The following MCTP2 variants were observed in gnomAD, a reference collection of about 807,000 sequenced individuals.
MCTP2 encodes multiple C2 and transmembrane domain-containing protein 2.
A neutral mutation model predicts 111.6 loss-of-function variants in MCTP2; 132 were observed. The ratio of observed to expected loss-of-function variants is 1.18; its 90% CI spans 1.03 to 1.37. MCTP2 has a LOEUF of 1.37. Among genes scored for constraint, MCTP2 ranks in the 40% most tolerant of loss-of-function variants. The probability of loss-of-function intolerance (pLI) is 0.00; values close to 1 mark genes in which losing one functional copy is unlikely to be tolerated. For synonymous variants in MCTP2, 395 were observed against 387.7 expected, an observed-to-expected ratio of 1.02 and a Z score of -0.22; for missense variants, 1,183 against 1,067.9, an observed-to-expected ratio of 1.11 and a Z score of -1.50.
chr15:94,390,725 C>CTTTTTTTTTTTTTTT lies in MCTP2; in HGVS notation c.1788+5208_1788+5222dup, dbSNP rs777312969. Among the ~76,000 whole-genome samples, 28 of 112,986 alleles carry CTTTTTTTTTTTTTTT rather than the reference C, an allele frequency of 2.5e-4. 1 individual carries two copies. Among genetic ancestry groups the CTTTTTTTTTTTTTTT allele is most frequent in the Non-Finnish European group, 3.2e-4 (17 of 53,532 alleles). The allele number at this position is 112,986 out of a possible 152,430, so 74.1% of individuals were successfully genotyped here. A position where few individuals can be genotyped will look rare whatever the true frequency, so the allele number is the denominator to read the frequency against. On this transcript the variant is annotated intron_variant, in intron 14 of 22. Transcript: ENST00000357742. The stretch of plus-strand genomic sequence containing the variant: ...GAAGACCTGCAATTTCTTTTCTTTT[C>CTTTTTTTTTTTTTTT]TTTTTTTTTTTTTTTTTTTTTTGGG...
chr15:94,330,855 C>A (rs376933143), intron 4 of MCTP2, among the ~76,000 whole-genome samples: 2 of 152,092 alleles, frequency 1.3e-5, no homozygotes, highest in African/African-American at 4.8e-5. Context: ...CGACTTTAGC[C>A]CCCCAAGTAG....
Position 94,358,526 on chromosome 15 carries a change from C to G in MCTP2, c.1215C>G (p.Asp405Glu). The G allele has an allele frequency of 6.2e-7, 1 of 1,613,730 alleles. No individual in the cohort carries two copies. Among genetic ancestry groups the G allele is most frequent in the Non-Finnish European group, 8.5e-7 (1 of 1,179,732 alleles). Residue 405 changes from aspartate to glutamate, a missense_variant, in exon 10 of 23, where the codon GAC (aspartate) becomes GAG (glutamate). By Grantham distance (45) the Asp-to-Glu change is conservative. Coordinates refer to ENST00000357742, the MANE Select transcript of MCTP2 (RefSeq NM_001385001.1). ...SANPQWQEQF[D>E]FHYFSDRMGI... is the part of the protein sequence containing the mutation. ...ATCCGCAGTGGCAGGAACAGTTTGA[C>G]TTTCACTACTTCTCTGACAGGATGG... is the stretch of plus-strand genomic sequence containing the variant.
intron 20 of MCTP2, among the ~76,000 whole-genome samples, chr15:94,465,696 A>G (rs1185772776): frequency 6.6e-6 from 1 of 152,134 alleles, no homozygotes; most frequent in Non-Finnish European, 1.5e-5. Flanking sequence ...TGCAGAATTA[A>G]TGATGCTTAC....
At chr15:94,357,313 T>A (rs1301998991) in intron 9 of MCTP2, among the ~76,000 whole-genome samples, 1 of 152,206 alleles carries the variant, frequency 6.6e-6, no homozygotes, top group African/African-American at 2.4e-5. Context: ...GATAATTATT[T>A]TAACCAGGTA....
intron 17 of MCTP2, among the ~76,000 whole-genome samples, chr15:94,439,957 C>T (rs991310171): frequency 6.6e-6 from 1 of 152,180 alleles, no homozygotes; most frequent in Admixed American, 6.5e-5. Flanking sequence ...TATGAAGCCA[C>T]TGTATCTGTC....
intron 17 of MCTP2, among the ~76,000 whole-genome samples, chr15:94,420,698 TTTC>T (rs1178709583): frequency 6.6e-6 from 1 of 152,076 alleles, no homozygotes; most frequent in Non-Finnish European, 1.5e-5. Flanking sequence ...ACATATGAAG[TTTC>T]TTCTTGTGGA....
At chr15:94,376,806 A>C (rs1219853547) in intron 12 of MCTP2, among the ~76,000 whole-genome samples, 1 of 152,182 alleles carries the variant, frequency 6.6e-6, no homozygotes, top group South Asian at 2.1e-4. Flanking sequence ...AAGGCAAAAA[A>C]ATATGCTTCA....
At chr15:94,418,030 GATA>G in intron 17 of MCTP2, among the ~76,000 whole-genome samples, 1 of 152,118 alleles carries the variant, frequency 6.6e-6, no homozygotes, top group Non-Finnish European at 1.5e-5. Context: ...ATGCTAATTA[GATA>G]CACTTGCTTT....
chr15:94,341,514 A>T (rs2077639848), intron 7 of MCTP2: 1 of 152,242 alleles, frequency 6.6e-6, no homozygotes. Flanking sequence ...GCTTTTTAAG[A>T]TGTGTTATAA....
chr15:94,383,327 G>A (rs2080261184), intron 12 of MCTP2, among the ~76,000 whole-genome samples: 1 of 152,176 alleles, frequency 6.6e-6, no homozygotes, highest in South Asian at 2.1e-4. Context: ...AATTTAGGAA[G>A]GAAACAGAGA....
Position 94,330,090 on chromosome 15 carries a change from A to G in MCTP2, c.638-9200A>G, listed in dbSNP as rs1596374755. On this transcript the variant is annotated intron_variant, in intron 4 of 22. Coordinates refer to ENST00000357742, the MANE Select transcript of MCTP2 (RefSeq NM_001385001.1). ...ATGCCTGGCTTATTTCACTTAGCATAATGTCCTCCAGGTTTATTCATGTCA... is the reference window on the plus strand; with the variant it reads ...ATGCCTGGCTTATTTCACTTAGCATGATGTCCTCCAGGTTTATTCATGTCA... Among the ~76,000 whole-genome samples, 3 of 152,308 alleles carry G rather than the reference A, an allele frequency of 2.0e-5. No individual in the cohort carries two copies. In the South Asian group the frequency reaches 6.2e-4, roughly 32 times the overall value.
At chr15:94,245,207 T>TAC (rs2071736170) in intron 1 of MCTP2, among the ~76,000 whole-genome samples, 1 of 137,040 alleles carries the variant, frequency 7.3e-6, no homozygotes, top group Non-Finnish European at 1.6e-5. Flanking sequence ...TGTATATATT[T>TAC]ATACATATGT....
At chr15:94,362,230 C>T (rs963331651) in intron 10 of MCTP2, among the ~76,000 whole-genome samples, 1 of 152,060 alleles carries the variant, frequency 6.6e-6, no homozygotes, top group Non-Finnish European at 1.5e-5. Context: ...TTAACCGGCT[C>T]CAACTTTTAA....
rs577839932 is a variant in MCTP2 at position 94,315,445 on chromosome 15, C to T, written c.529-84C>T. The T allele has an allele frequency of 1.0e-4, 100 of 953,314 alleles. 2 individuals are homozygous for T. The South Asian group carries it at 1.5e-3, about 14-fold the overall frequency. The allele number at this position is 953,314 out of a possible 1,614,324, so 59.1% of individuals were successfully genotyped here. A position where few individuals can be genotyped will look rare whatever the true frequency, so the allele number is the denominator to read the frequency against. ...ATCATCATAGTGGCCTTTCTTTTTT[C>T]CCTCCAAAATCGAGAAGTATTTCTG... On this transcript the variant is annotated intron_variant, in intron 3 of 22. Coordinates refer to ENST00000357742, the MANE Select transcript of MCTP2 (RefSeq NM_001385001.1).
chr15:94,456,909 C>G (rs2084870600), intron 19 of MCTP2, among the ~76,000 whole-genome samples: 1 of 152,212 alleles, frequency 6.6e-6, no homozygotes, highest in Non-Finnish European at 1.5e-5. Flanking sequence ...TTTCTGACAT[C>G]TTGGTGCTTT....
Position 94,243,488 on chromosome 15 carries a change from C to T in MCTP2, c.-66+11824C>T, listed in dbSNP as rs535073712. 9.1e-5 allele frequency among the ~76,000 whole-genome samples: 13 copies of T among 143,084 alleles called. 3 individuals are homozygous for T. Among genetic ancestry groups the T allele is most frequent in the East Asian group, 2.1e-4 (1 of 4,760 alleles). 93.9% of individuals were successfully genotyped at this position (143,084 alleles called of 152,430 possible). A position where few individuals can be genotyped will look rare whatever the true frequency, so the allele number is the denominator to read the frequency against. ...GCGTATATGCGTATGTACACACATA[C>T]GTATGCGTACATATGTATGCGTATA... On this transcript the variant is annotated intron_variant, in intron 1 of 22. Coordinates refer to ENST00000357742, the MANE Select transcript of MCTP2 (RefSeq NM_001385001.1).
chr15:94,332,189 A>G (rs1408684524), intron 4 of MCTP2, among the ~76,000 whole-genome samples: 2 of 152,182 alleles, frequency 1.3e-5, no homozygotes, highest in African/African-American at 4.8e-5. Flanking sequence ...AGGTCAATTA[A>G]AAGAGCCGCA....
chr15:94,367,668 C>T lies in MCTP2; in HGVS notation c.1365C>T (p.Asp455=). ...CCAACTGCCTGGAGCTGCCACTGGA[C>T]AGCTGTCTGGGGGCTCTCCTTATGT... is the stretch of plus-strand genomic sequence containing the variant. The part of the protein sequence containing the change: ...KQANCLELPL[D]SCLGALLMLV... Residue 455 remains aspartate, a synonymous_variant, in exon 11 of 23, where the codon GAC becomes GAT. Coordinates refer to ENST00000357742, the MANE Select transcript of MCTP2 (RefSeq NM_001385001.1). The T allele has an allele frequency of 6.2e-7, 1 of 1,612,460 alleles. No homozygotes were observed. The highest frequency in any genetic ancestry group is 8.5e-7 in the Non-Finnish European group (1 of 1,179,196).
chr15:94,374,239 G>C (rs1474926753), intron 12 of MCTP2, among the ~76,000 whole-genome samples: 1 of 152,120 alleles, frequency 6.6e-6, no homozygotes, highest in Non-Finnish European at 1.5e-5. Flanking sequence ...AGTAAACAAT[G>C]GGTTAATGGG....
Sources: allele counts gnomAD v4.1 joint callset (sites outside exome capture counted in the v4.1 genomes callset), GRCh38; gene constraint gnomAD v4.1.1; transcripts MANE v1.5; gene names NCBI Gene and HGNC (gene_info 2026-07-23, HGNC 2026-07-21).